Variants in SOX6 observed in about 807,000 individuals in gnomAD.
SOX6 encodes SRY-box transcription factor 6.
SOX6 carries 11 observed loss-of-function variants against 97.8 expected under a neutral mutation model. The observed-to-expected ratio is 0.11, with a 90% CI of 0.07 to 0.19. The LOEUF is 0.19. SOX6 is among the 10% of genes least tolerant of loss of function. SOX6 has a pLI of 1.00. For synonymous variants in SOX6, 360 were observed against 371.4 expected, an observed-to-expected ratio of 0.97 and a Z score of 0.35; for missense variants, 810 against 1,039.5, an observed-to-expected ratio of 0.78 and a Z score of 3.04.
At chr11:15,993,608 G>T (rs1854124509) in intron 13 of SOX6, among the ~76,000 whole-genome samples, 1 of 152,158 alleles carries the variant, frequency 6.6e-6, no homozygotes, top group Non-Finnish European at 1.5e-5. Context: ...GGAAAGCAAG[G>T]TCCCGTATGC....
chr11:16,536,750 C>T (rs7926202), intron 4 of SOX6, among the ~76,000 whole-genome samples: 16,060 of 152,222 alleles, frequency 0.11, 918 homozygotes, highest in Non-Finnish European at 0.14. Flanking sequence ...GGTGGTGGGA[C>T]GGCCATCCGC....
chr11:16,563,658 C>G (rs575604694), intron 4 of SOX6, among the ~76,000 whole-genome samples: 1 of 152,164 alleles, frequency 6.6e-6, no homozygotes, highest in African/African-American at 2.4e-5. Flanking sequence ...TCCTCAGAGT[C>G]CTGGAGGACA....
chr11:16,150,365 G>A (rs1230703716), intron 6 of SOX6, among the ~76,000 whole-genome samples: 4 of 152,146 alleles, frequency 2.6e-5, no homozygotes, highest in African/African-American at 4.8e-5. Context: ...CAAGCTAGCA[G>A]AGCCCACATG....
At chr11:16,597,356 A>AAT (rs1449329270) in intron 4 of SOX6, among the ~76,000 whole-genome samples, 1 of 151,054 alleles carries the variant, frequency 6.6e-6, no homozygotes, top group African/African-American at 2.4e-5. Context: ...ATATATATTA[A>AAT]ATATATATAC....
intron 2 of SOX6, among the ~76,000 whole-genome samples, chr11:16,730,185 A>T (rs1187724861): frequency 2.6e-5 from 4 of 152,114 alleles, no homozygotes; most frequent in Non-Finnish European, 5.9e-5. Context: ...TAGAAAGATC[A>T]ACAAGACAGA....
chr11:16,135,489 G>A (rs1849937300), intron 6 of SOX6, among the ~76,000 whole-genome samples: 1 of 152,174 alleles, frequency 6.6e-6, no homozygotes, highest in South Asian at 2.1e-4. Context: ...CAGGAATTTG[G>A]AAGTTGATTC....
intron 4 of SOX6, among the ~76,000 whole-genome samples, chr11:16,565,448 G>C (rs573326797): frequency 4.0e-5 from 6 of 151,562 alleles, no homozygotes; most frequent in African/African-American, 1.5e-4. Context: ...TACGAAGCTA[G>C]TATTAACCTG....
At chr11:16,722,978 A>C (rs776905374) in intron 2 of SOX6, among the ~76,000 whole-genome samples, 1 of 152,204 alleles carries the variant, frequency 6.6e-6, no homozygotes, top group South Asian at 2.1e-4. Context: ...ATTACTGGGT[A>C]TATACCCAAA....
intron 6 of SOX6, among the ~76,000 whole-genome samples, chr11:16,138,102 A>G (rs1396396119): frequency 6.6e-6 from 1 of 152,242 alleles, no homozygotes; most frequent in Non-Finnish European, 1.5e-5. Context: ...GATACCTACC[A>G]GTAAACCAGG....
intron 4 of SOX6, among the ~76,000 whole-genome samples, chr11:16,199,173 G>A (rs2134124543): frequency 6.6e-6 from 1 of 152,300 alleles, no homozygotes; most frequent in East Asian, 1.9e-4. Flanking sequence ...CCATATCTGA[G>A]TTAATTCTAG....
At chr11:16,275,521 A>G (rs1229683702) in intron 3 of SOX6, among the ~76,000 whole-genome samples, 1 of 152,142 alleles carries the variant, frequency 6.6e-6, no homozygotes, top group African/African-American at 2.4e-5. Context: ...GAGTTAAGCC[A>G]ATTGGTTATT....
intron 3 of SOX6, among the ~76,000 whole-genome samples, chr11:16,639,095 G>C (rs916787465): frequency 6.6e-6 from 1 of 152,174 alleles, no homozygotes; most frequent in Admixed American, 6.5e-5. Context: ...TTTTGTATAA[G>C]GTGTAAGGAA....
At chr11:16,139,972 T>TATAC (rs1490765020) in intron 6 of SOX6, among the ~76,000 whole-genome samples, 2 of 148,006 alleles carry the variant, frequency 1.4e-5, no homozygotes, top group African/African-American at 4.9e-5. Context: ...TATATATATA[T>TATAC]ACATATAATA....
At chr11:16,424,601 A>C (rs1038146379) in intron 1 of SOX6, among the ~76,000 whole-genome samples, 7 of 152,200 alleles carry the variant, frequency 4.6e-5, no homozygotes, top group African/African-American at 1.7e-4. Context: ...TCTTCCTCTG[A>C]GAAAAAAGAG....
At chr11:16,501,066 A>G (rs1464379383) in intron 4 of SOX6, among the ~76,000 whole-genome samples, 2 of 152,232 alleles carry the variant, frequency 1.3e-5, no homozygotes, top group African/African-American at 4.8e-5. Context: ...ACTATACCAC[A>G]AGGCTACAGT....
intron 3 of SOX6, among the ~76,000 whole-genome samples, chr11:16,630,050 G>A (rs1848683370): frequency 6.6e-6 from 1 of 151,942 alleles, no homozygotes; most frequent in Non-Finnish European, 1.5e-5. Flanking sequence ...CTCTTAGTTT[G>A]TTGATTCTTT....
intron 1 of SOX6, among the ~76,000 whole-genome samples, chr11:16,399,346 T>TTTTTATTTTATTTTATTTTA (rs527957234): frequency 1.8e-4 from 27 of 150,088 alleles, no homozygotes; most frequent in African/African-American, 5.9e-4. Flanking sequence ...TTTTATATTA[T>TTTTTATTTTATTTTATTTTA]TTTTATTTTA....
chr11:16,170,546 G>A (rs1289756781), intron 6 of SOX6, among the ~76,000 whole-genome samples: 3 of 151,850 alleles, frequency 2.0e-5, no homozygotes, highest in Admixed American at 6.6e-5. Context: ...GTAAAGTGAC[G>A]GTACATCTCC....
chr11:16,494,915 A>G (rs1200899094), intron 4 of SOX6, among the ~76,000 whole-genome samples: 3 of 152,134 alleles, frequency 2.0e-5, no homozygotes, highest in Non-Finnish European at 1.5e-5. Context: ...GGGAGCTCAC[A>G]TTGGTTCTCA....
Sources: gnomAD v4.1 joint callset for allele counts (sites outside exome capture counted in the v4.1 genomes callset) on GRCh38, gnomAD v4.1.1 for gene constraint, MANE v1.5 for transcripts, NCBI Gene and HGNC (gene_info 2026-07-23, HGNC 2026-07-21) for gene names.